Variants in JAKMIP1 observed in about 807,000 individuals in gnomAD.
The protein encoded by JAKMIP1 is janus kinase and microtubule-interacting protein 1.
A neutral mutation model predicts 113.0 loss-of-function variants in JAKMIP1; 33 were observed. The observed-to-expected ratio is 0.29, with a 90% CI of 0.22 to 0.39. JAKMIP1 has a LOEUF of 0.39. JAKMIP1 is among the 10% of genes least tolerant of loss of function. The pLI is 1.00. For synonymous variants in JAKMIP1, 480 were observed against 459.9 expected (o/e 1.04, Z -0.56); for missense variants, 813 against 1,080.5 (o/e 0.75, Z 3.47).
chr4:6,135,722 GAGCCAC>G lies in JAKMIP1; in HGVS notation c.-147-22731_-147-22726del, dbSNP rs1273007365. ...ACCTATGACAAACCAGAGGCTCTGA[GAGCCAC>G]AGCCAGCCTGGACTTGAACCCAAGC... On this transcript the variant is annotated intron_variant, in intron 1 of 20. Transcript: ENST00000409021. The surrounding 1 kb of genome is among the most constrained non-coding windows in gnomAD (Gnocchi z 4.9). Among the ~76,000 whole-genome samples, 3 of 152,160 alleles carry G rather than the reference GAGCCAC, an allele frequency of 2.0e-5. No individual in the cohort carries two copies. Among genetic ancestry groups the G allele is most frequent in the African/African-American group, 4.8e-5 (2 of 41,448 alleles).
At chr4:6,148,908 C>T (rs1053833083) in intron 1 of JAKMIP1, among the ~76,000 whole-genome samples, 14 of 152,170 alleles carry the variant, frequency 9.2e-5, no homozygotes, top group African/African-American at 3.4e-4. Context: ...ATTTTCTAGC[C>T]AGGGCATGGG....
chr4:6,171,597 C>CA (rs1348851029), intron 1 of JAKMIP1, among the ~76,000 whole-genome samples: 1 of 152,204 alleles, frequency 6.6e-6, no homozygotes, highest in African/African-American at 2.4e-5. Flanking sequence ...CGATCCCCCC[C>CA]CAAGTATGTG....
Position 6,156,292 on chromosome 4 carries a change from G to A in JAKMIP1, c.-147-43295C>T, listed in dbSNP as rs1722235486. On this transcript the variant is annotated intron_variant, in intron 1 of 20. Transcript: ENST00000409021. This position sits in a 1 kb window ranked among gnomAD's most constrained non-coding sequence, Gnocchi z 5.0. ...ACACTGATCCTAAGTTAACGTTTCTGAAATCAAGATTCATCTCACATTCAA... is the reference window on the plus strand; with the variant it reads ...ACACTGATCCTAAGTTAACGTTTCTAAAATCAAGATTCATCTCACATTCAA... Among the ~76,000 whole-genome samples the A allele has an allele frequency of 6.6e-6, 1 of 152,180 alleles. No individual in the cohort carries two copies. The highest frequency in any genetic ancestry group is 2.1e-4 in the South Asian group (1 of 4,834).
At chr4:6,128,396 C>T (rs547023133) in intron 1 of JAKMIP1, among the ~76,000 whole-genome samples, 59 of 152,162 alleles carry the variant, frequency 3.9e-4, no homozygotes, top group African/African-American at 1.3e-3. Context: ...CACCTGCTTC[C>T]GTAGCTGGGG....
rs2109013159 is a variant in JAKMIP1, at chr4:6,167,233, A to C, written c.-148+33020T>G. Among the ~76,000 whole-genome samples the C allele has an allele frequency of 6.6e-6, 1 of 150,970 alleles. No homozygotes were observed. The highest frequency in any genetic ancestry group is 2.0e-4 in the East Asian group (1 of 5,108). On this transcript the variant is annotated intron_variant, in intron 1 of 20. Transcript: ENST00000409021. This position sits in a 1 kb window ranked among gnomAD's most constrained non-coding sequence, Gnocchi z 5.3. The stretch of plus-strand genomic sequence containing the variant: ...CAGGGCCTGTGAGTCCACTTGGAGC[A>C]CTCCCTCCCTCCCTCTTGCATCCAA...
At position 6,139,839 on chromosome 4, in the gene JAKMIP1, G is replaced by A. The variant is rs1719844984; in HGVS notation, c.-147-26842C>T. On this transcript the variant is annotated intron_variant, in intron 1 of 20. Transcript: ENST00000409021. The surrounding 1 kb of genome is among the most constrained non-coding windows in gnomAD (Gnocchi z 5.2). The stretch of plus-strand genomic sequence containing the variant: ...AGCACAGAGACACAGAGACAAAGGA[G>A]AACACCATGTGACGACGAAGGAGGA... Among the ~76,000 whole-genome samples the A allele has an allele frequency of 6.6e-6, 1 of 151,808 alleles. No homozygotes were observed. The highest frequency in any genetic ancestry group is 1.5e-5 in the Non-Finnish European group (1 of 68,004).
intron 1 of JAKMIP1, among the ~76,000 whole-genome samples, chr4:6,172,127 A>G (rs934586528): frequency 2.6e-5 from 4 of 152,140 alleles, no homozygotes; most frequent in South Asian, 2.1e-4. Flanking sequence ...CACTGGTCCA[A>G]TGCTTCTAAT....
Position 6,069,450 on chromosome 4 carries a change from G to C in JAKMIP1, c.1303-4442C>G, listed in dbSNP as rs1208860237. Among the ~76,000 whole-genome samples the C allele has an allele frequency of 6.6e-6, 1 of 152,192 alleles. No individual in the cohort carries two copies. Among genetic ancestry groups the C allele is most frequent in the African/African-American group, 2.4e-5 (1 of 41,458 alleles). ...GTTTCTACAGATGAATCCAGATTCA[G>C]ATTAAGATTCAGTTTTGGCCGGGCA... is the stretch of plus-strand genomic sequence containing the variant. On this transcript the variant is annotated intron_variant, in intron 8 of 20. Coordinates refer to ENST00000409021, the MANE Select transcript of JAKMIP1 (RefSeq NM_001099433.2). This position sits in a 1 kb window ranked among gnomAD's most constrained non-coding sequence, Gnocchi z 4.5.
chr4:6,122,600 G>A (rs970583409), intron 1 of JAKMIP1, among the ~76,000 whole-genome samples: 1 of 152,228 alleles, frequency 6.6e-6, no homozygotes, highest in African/African-American at 2.4e-5. Context: ...AGAGGTTAGA[G>A]GGAGCAGCTG....
In JAKMIP1 at chr4:6,098,720, GAAAAAGAAAGAAAGAGAA is replaced by G. The variant is rs765466842; in HGVS notation, c.624+6735_624+6752del. Reference sequence around the variant, plus strand: ...AGAAAGAAAGAAAGAAAGAAAGAAAGAAAAAGAAAGAAAGAGAAGGAAGGAAGGAAGGAAAGAAAGAGA... The same window carrying G: ...AGAAAGAAAGAAAGAAAGAAAGAAAGGGAAGGAAGGAAGGAAAGAAAGAGA... On this transcript the variant is annotated intron_variant, in intron 3 of 20. Transcript: ENST00000409021. Among the ~76,000 whole-genome samples, 25 of 80,366 alleles carry G rather than the reference GAAAAAGAAAGAAAGAGAA, an allele frequency of 3.1e-4. 1 individual carries two copies. Among genetic ancestry groups the G allele is most frequent in the African/African-American group, 1.0e-3 (22 of 22,022 alleles). The allele number at this position is 80,366 out of a possible 152,430, so 52.7% of individuals were successfully genotyped here. A position where few individuals can be genotyped will look rare whatever the true frequency, so the allele number is the denominator to read the frequency against.
At chr4:6,125,329 A>G (rs1578308408) in intron 1 of JAKMIP1, among the ~76,000 whole-genome samples, 1 of 151,754 alleles carries the variant, frequency 6.6e-6, no homozygotes, top group Admixed American at 6.6e-5. Context: ...AAGGGCAAAG[A>G]CCCTCAAGCC....
intron 3 of JAKMIP1, among the ~76,000 whole-genome samples, chr4:6,098,546 A>AAAAGAAAGAAAGAAAGAAAGAAAG (rs759936324): frequency 0.013 from 618 of 46,484 alleles, 10 homozygotes; most frequent in African/African-American, 0.029. Flanking sequence ...GAGAGAAAGA[A>AAAAGAAAGAAAGAAAGAAAGAAAG]AAAGAAAGAA....
chr4:6,085,629 T>A lies in JAKMIP1; in HGVS notation c.625A>T (p.Met209Leu). ...RECERDIRRL[M>L]DEIKGKDRVI... ...CGGTCTTTCCCTTTGATCTCATCCA[T>A]CTGAAAAGGAGAAAGAATAAGCAGT... The change falls in exon 4 of 21, where the codon ATG becomes TTG. Residue 209 changes from methionine (M) to leucine (L), a missense_variant and splice_region_variant. Met to Leu is a conservative substitution (Grantham distance 15). This residue lies in a region of JAKMIP1 where 540 missense variants were observed against 653.9 expected (regional missense o/e 0.83). Coordinates refer to ENST00000409021, the MANE Select transcript of JAKMIP1 (RefSeq NM_001099433.2). The A allele has an allele frequency of 6.2e-7, 1 of 1,613,788 alleles. No homozygotes were observed. Among genetic ancestry groups the A allele is most frequent in the South Asian group, 1.1e-5 (1 of 91,086 alleles).
Position 6,185,070 on chromosome 4 carries a change from C to T in JAKMIP1, c.-148+15183G>A, listed in dbSNP as rs759546093. On this transcript the variant is annotated intron_variant, in intron 1 of 20. Coordinates refer to ENST00000409021, the MANE Select transcript of JAKMIP1 (RefSeq NM_001099433.2). This position sits in a 1 kb window ranked among gnomAD's most constrained non-coding sequence, Gnocchi z 5.3. ...CAGTGGTTTGCCAGGGCTCTCAGGC[C>T]TTGGGCCACTGACTGAAGGCTGCAC... 6.6e-6 allele frequency among the ~76,000 whole-genome samples: 1 copy of T among 152,178 alleles called. No homozygotes were observed. Among genetic ancestry groups the T allele is most frequent in the South Asian group, 2.1e-4 (1 of 4,828 alleles).
At chr4:6,058,199 G>T (rs1716757196) in intron 11 of JAKMIP1, among the ~76,000 whole-genome samples, 1 of 152,184 alleles carries the variant, frequency 6.6e-6, no homozygotes, top group African/African-American at 2.4e-5. Flanking sequence ...TACCCCCCTG[G>T]GGGAGGCTAA....
At position 6,029,660 on chromosome 4, in the gene JAKMIP1, C is replaced by T. The variant is rs144786992; in HGVS notation, c.2445+56G>A. On this transcript the variant is annotated intron_variant, in intron 20 of 20. Coordinates refer to ENST00000409021, the MANE Select transcript of JAKMIP1 (RefSeq NM_001099433.2). Reference sequence around the variant, plus strand: ...TGGACCTTATGAAATAAAATGATTCCGCACTAACATTTCATGGAAAGAAAC... The same window carrying T: ...TGGACCTTATGAAATAAAATGATTCTGCACTAACATTTCATGGAAAGAAAC... 1,324 of 1,126,834 alleles carry T rather than the reference C, an allele frequency of 1.2e-3. 13 individuals carry two copies. Among genetic ancestry groups the T allele is most frequent in the East Asian group, 4.7e-4 (19 of 40,230 alleles). The allele number at this position is 1,126,834 out of a possible 1,614,324, so 69.8% of individuals were successfully genotyped here.
chr4:6,087,743 A>C (rs1317720968), intron 3 of JAKMIP1, among the ~76,000 whole-genome samples: 9 of 152,146 alleles, frequency 5.9e-5, no homozygotes, highest in Admixed American at 1.3e-4. Context: ...GCTAGGTACT[A>C]ATTTGTACTT....
Position 6,076,663 on chromosome 4 carries a change from T to C in JAKMIP1, c.1302+2276A>G, listed in dbSNP as rs139621537. On this transcript the variant is annotated intron_variant, in intron 8 of 20. Transcript: ENST00000409021. The surrounding 1 kb of genome is among the most constrained non-coding windows in gnomAD (Gnocchi z 4.8). The stretch of plus-strand genomic sequence containing the variant: ...ACAGGTATATATTTTACAGGCTGAG[T>C]GTCCTTTATCTGAAATACTTGGAAC... 6.6e-6 allele frequency among the ~76,000 whole-genome samples: 1 copy of C among 152,166 alleles called. No homozygotes were observed. The highest frequency in any genetic ancestry group is 1.5e-5 in the Non-Finnish European group (1 of 68,038).
In JAKMIP1 at chr4:6,141,529, A is replaced by C. The variant is rs998630322; in HGVS notation, c.-147-28532T>G. ...CCCTTCCTGGGTTGCTGCTTTACAA[A>C]ACAAATATTGACTACAGTCCTTAGG... is the stretch of plus-strand genomic sequence containing the variant. On this transcript the variant is annotated intron_variant, in intron 1 of 20. Transcript: ENST00000409021. The surrounding 1 kb of genome is among the most constrained non-coding windows in gnomAD (Gnocchi z 9.4). 1.3e-5 allele frequency among the ~76,000 whole-genome samples: 2 copies of C among 152,212 alleles called. No individual in the cohort carries two copies. Among genetic ancestry groups the C allele is most frequent in the Non-Finnish European group, 2.9e-5 (2 of 68,042 alleles).
Sources: allele counts gnomAD v4.1 joint callset (sites outside exome capture counted in the v4.1 genomes callset), GRCh38; gene constraint gnomAD v4.1.1; regional missense constraint gnomAD v4.1.1; non-coding constraint Gnocchi (gnomAD v3.1); transcripts MANE v1.5; gene names NCBI Gene and HGNC (gene_info 2026-07-23, HGNC 2026-07-21).